Variants in SNX29 observed in about 807,000 individuals in gnomAD.
SNX29 encodes sorting nexin-29.
A neutral mutation model predicts 102.1 loss-of-function variants in SNX29; 78 were observed. The ratio of observed to expected loss-of-function variants is 0.76; its 90% CI spans 0.64 to 0.92. The LOEUF (loss-of-function observed/expected upper bound fraction) is 0.92, where lower values mean the gene tolerates loss of function less well. Among genes scored for constraint, SNX29 ranks in the 40% least tolerant of loss-of-function variants. The pLI, the probability that SNX29 is intolerant of heterozygous loss-of-function variation, is 0.00. For synonymous variants in SNX29, 580 were observed against 414.5 expected, an observed-to-expected ratio of 1.40 and a Z score of -4.85; for missense variants, 1,280 against 1,061.7, an observed-to-expected ratio of 1.21 and a Z score of -2.86.
chr16:12,466,514 C>T (rs1161971653), intron 18 of SNX29, among the ~76,000 whole-genome samples: 1 of 152,178 alleles, frequency 6.6e-6, no homozygotes, highest in African/African-American at 2.4e-5. Context: ...CCAGATGAAC[C>T]TGCCGTCAGA....
At chr16:12,177,913 G>C (rs1392265678) in intron 13 of SNX29, among the ~76,000 whole-genome samples, 2 of 152,190 alleles carry the variant, frequency 1.3e-5, no homozygotes, top group Non-Finnish European at 2.9e-5. Flanking sequence ...AGAACACTCT[G>C]TGCCTAGATA....
At chr16:12,186,816 T>G (rs1251756359) in intron 13 of SNX29, among the ~76,000 whole-genome samples, 4 of 152,208 alleles carry the variant, frequency 2.6e-5, no homozygotes. Context: ...GGTTATGTGT[T>G]TTTGACAGGA....
intron 14 of SNX29, among the ~76,000 whole-genome samples, chr16:12,240,212 T>G (rs1216444291): frequency 2.0e-5 from 3 of 152,262 alleles, no homozygotes; most frequent in African/African-American, 7.2e-5. Flanking sequence ...GGATTCTGAT[T>G]ATTTCTCTAG....
chr16:12,485,243 G>A (rs940798493), intron 19 of SNX29, among the ~76,000 whole-genome samples: 7 of 152,186 alleles, frequency 4.6e-5, no homozygotes, highest in East Asian at 1.9e-4. Context: ...GGAGTTGACC[G>A]GTGAGCTGCC....
chr16:12,556,740 A>C (rs1053020723), intron 20 of SNX29, among the ~76,000 whole-genome samples: 2 of 152,174 alleles, frequency 1.3e-5, no homozygotes, highest in African/African-American at 4.8e-5. Context: ...AATGTGAATA[A>C]AGAAAAATTA....
chr16:12,185,393 T>C (rs2076485943), intron 13 of SNX29, among the ~76,000 whole-genome samples: 2 of 152,152 alleles, frequency 1.3e-5, no homozygotes, highest in African/African-American at 4.8e-5. Flanking sequence ...CCTAGATTTT[T>C]AAGGGAAATG....
chr16:12,384,172 C>T (rs1039301333), intron 16 of SNX29, among the ~76,000 whole-genome samples: 2 of 152,226 alleles, frequency 1.3e-5, no homozygotes, highest in African/African-American at 4.8e-5. Context: ...AATAGCACTG[C>T]AGTAAACGTG....
rs575934176 is a variant in SNX29 at position 12,422,967 on chromosome 16, G to A, written c.2037+19438G>A. ...AGGAAAGAAACATCCGAAGCTTAAA[G>A]GAACAGCCCCACCCTGTCTACTTCA... On this transcript the variant is annotated intron_variant, in intron 18 of 20. Coordinates refer to ENST00000566228, the MANE Select transcript of SNX29 (RefSeq NM_032167.5). Among the ~76,000 whole-genome samples, 17 of 152,336 alleles carry A rather than the reference G, an allele frequency of 1.1e-4. No individual in the cohort carries two copies. In the South Asian group the frequency reaches 3.3e-3, roughly 30 times the overall value.
At chr16:12,563,286 C>G (rs1598083145) in intron 20 of SNX29, among the ~76,000 whole-genome samples, 1 of 152,140 alleles carries the variant, frequency 6.6e-6, no homozygotes, top group African/African-American at 2.4e-5. Context: ...GGTTCTGGAT[C>G]CACAGCTCGG....
intron 1 of SNX29, among the ~76,000 whole-genome samples, chr16:11,996,562 G>T (rs1031036885): frequency 6.6e-6 from 1 of 152,074 alleles, no homozygotes; most frequent in African/African-American, 2.4e-5. Context: ...TGCATGAATT[G>T]CTTTTATGAT....
chr16:12,071,528 T>C lies in SNX29; in HGVS notation c.1319+2396T>C, dbSNP rs550845292. On this transcript the variant is annotated intron_variant, in intron 10 of 20. Transcript: ENST00000566228. ...GGCTCTGTTCTGTTCCATTGATCTATATTTCTGTTTTGGTACCAGTACCAT... is the reference window on the plus strand; with the variant it reads ...GGCTCTGTTCTGTTCCATTGATCTACATTTCTGTTTTGGTACCAGTACCAT... 9.2e-5 allele frequency among the ~76,000 whole-genome samples: 14 copies of C among 152,340 alleles called. No homozygotes were observed. The East Asian group carries it at 2.5e-3, about 27-fold the overall frequency.
chr16:12,201,535 C>G (rs998323520), intron 14 of SNX29, among the ~76,000 whole-genome samples: 2 of 152,188 alleles, frequency 1.3e-5, no homozygotes, highest in African/African-American at 4.8e-5. Context: ...AATGAACTCA[C>G]GCATTTTTCT....
At position 12,572,286 on chromosome 16, in the gene SNX29, T is replaced by C; in HGVS notation, c.*3657T>C. 1 of 1,033,528 alleles carries C rather than the reference T, an allele frequency of 9.7e-7. No individual in the cohort carries two copies. The highest frequency in any genetic ancestry group is 1.2e-6 in the Non-Finnish European group (1 of 868,802). The allele number at this position is 1,033,528 out of a possible 1,614,324, so 64.0% of individuals were successfully genotyped here. A position where few individuals can be genotyped will look rare whatever the true frequency, so the allele number is the denominator to read the frequency against. On this transcript the variant is annotated 3_prime_UTR_variant, in exon 21 of 21. Transcript: ENST00000566228. ...TGTAGCTGATGCAACTAACAAGTACTGGGGCCAGTGATCACAATCCAGGTT... is the reference window on the plus strand; with the variant it reads ...TGTAGCTGATGCAACTAACAAGTACCGGGGCCAGTGATCACAATCCAGGTT...
At chr16:12,401,067 G>A (rs1021468854) in intron 17 of SNX29, among the ~76,000 whole-genome samples, 3 of 151,956 alleles carry the variant, frequency 2.0e-5, no homozygotes, top group Admixed American at 6.6e-5. Context: ...TCCTGACCTC[G>A]TGATCCGCCT....
chr16:12,311,576 C>T (rs965130666), intron 15 of SNX29, among the ~76,000 whole-genome samples: 2 of 152,250 alleles, frequency 1.3e-5, no homozygotes, highest in African/African-American at 4.8e-5. Context: ...GCCGATGGCC[C>T]GTCCGCCTTT....
chr16:12,256,169 C>G (rs1048655210), intron 14 of SNX29, among the ~76,000 whole-genome samples: 4 of 152,216 alleles, frequency 2.6e-5, no homozygotes, highest in African/African-American at 9.7e-5. Context: ...GTTTGGATGT[C>G]TTCCTTGAGA....
intron 11 of SNX29, among the ~76,000 whole-genome samples, chr16:12,121,869 G>C (rs1294774361): frequency 1.3e-5 from 2 of 152,158 alleles, no homozygotes; most frequent in African/African-American, 4.8e-5. Context: ...CGCGATCTTG[G>C]CTCACTGCAA....
intron 20 of SNX29, among the ~76,000 whole-genome samples, chr16:12,529,456 G>A (rs552285913): frequency 2.0e-5 from 3 of 152,204 alleles, no homozygotes; most frequent in Admixed American, 6.5e-5. Context: ...AGACTGGACC[G>A]CAAATCGGTG....
At position 12,002,999 on chromosome 16, in the gene SNX29, C is replaced by T. The variant is rs761129984; in HGVS notation, c.78C>T (p.Ile26=). The change falls in exon 3 of 21, where the codon ATC becomes ATT. Residue 26 remains isoleucine, a synonymous_variant. Coordinates refer to ENST00000566228, the MANE Select transcript of SNX29 (RefSeq NM_032167.5). Reference sequence around the variant, plus strand: ...CTTCTTTTTCTGTGCAGTGCCAGATCCGCTTTGGAGGGAGAAAGGAGATTG... The same window carrying T: ...CTTCTTTTTCTGTGCAGTGCCAGATTCGCTTTGGAGGGAGAAAGGAGATTG... ...RLLDAVKQCQ[I]RFGGRKEIAS... The T allele has an allele frequency of 4.3e-6, 7 of 1,614,166 alleles. No homozygotes were observed. The East Asian group carries it at 1.6e-4, about 36-fold the overall frequency.
Sources: allele counts gnomAD v4.1 joint callset (sites outside exome capture counted in the v4.1 genomes callset), GRCh38; gene constraint gnomAD v4.1.1; transcripts MANE v1.5; gene names NCBI Gene and HGNC (gene_info 2026-07-23, HGNC 2026-07-21).